The following ARID4A variants were observed in gnomAD, a reference collection of about 807,000 sequenced individuals.
ARID4A encodes the protein AT-rich interaction domain 4A, also known as AT-rich interactive domain-containing protein 4A.
A neutral mutation model predicts 148.6 loss-of-function variants in ARID4A; 39 were observed. The ratio of observed to expected loss-of-function variants is 0.26; its 90% CI spans 0.20 to 0.34. The LOEUF is 0.34. ARID4A is among the 10% of genes least tolerant of loss of function. ARID4A has a pLI of 1.00. For synonymous variants in ARID4A, 475 were observed against 481.2 expected, an observed-to-expected ratio of 0.99 and a Z score of 0.17; for missense variants, 1,265 against 1,449.1, an observed-to-expected ratio of 0.87 and a Z score of 2.06.
At chr14:58,366,802 G>A in intron 22 of ARID4A, 81 bp from the exon 23 acceptor site, 2 of 1,112,614 alleles carry the variant, frequency 1.8e-6, no homozygotes, top group Non-Finnish European at 1.3e-6. Flanking sequence ...TGATTTATGA[G>A]TTAGACGTTT....
chr14:58,349,777 A>T (rs2034547967), intron 15 of ARID4A, among the ~76,000 whole-genome samples: 1 of 152,002 alleles, frequency 6.6e-6, no homozygotes, highest in South Asian at 2.1e-4. Flanking sequence ...CCCAAATTTT[A>T]TAGCAGTTGT....
Position 58,301,666 on chromosome 14 carries a change from T to G in ARID4A, c.93T>G (p.Thr31=), listed in dbSNP as rs2031180904. The G allele has an allele frequency of 6.2e-7, 1 of 1,613,358 alleles. No individual in the cohort carries two copies. Among genetic ancestry groups the G allele is most frequent in the African/African-American group, 1.3e-5 (1 of 74,884 alleles). ...RGAFCEAKIK[T]VKRLVKVKVL... Reference sequence around the variant, plus strand: ...CCTTCTGTGAGGCAAAGATTAAGACTGTGAAAAGGCTGGTGAAAGTTAAGG... The same window carrying G: ...CCTTCTGTGAGGCAAAGATTAAGACGGTGAAAAGGCTGGTGAAAGTTAAGG... The change falls in exon 3 of 24, where the codon ACT becomes ACG. Residue 31 remains threonine, a synonymous_variant. Coordinates refer to ENST00000355431, the MANE Select transcript of ARID4A (RefSeq NM_002892.4).
intron 11 of ARID4A, among the ~76,000 whole-genome samples, chr14:58,335,052 A>G (rs2033740555): frequency 1.3e-5 from 2 of 152,104 alleles, no homozygotes; most frequent in African/African-American, 4.8e-5. Flanking sequence ...AACTAAAACA[A>G]CTTTACTAAG....
intron 5 of ARID4A, among the ~76,000 whole-genome samples, chr14:58,317,164 G>T (rs2032482446): frequency 6.9e-6 from 1 of 143,940 alleles, no homozygotes; most frequent in Non-Finnish European, 1.5e-5. Flanking sequence ...CTGCACTCCA[G>T]CCTGGGGGAC....
At chr14:58,299,563 C>T (rs543189239) in intron 1 of ARID4A, 2 of 533,438 alleles carry the variant, frequency 3.7e-6, no homozygotes, top group East Asian at 3.1e-5. Flanking sequence ...GCCAGCGAGG[C>T]GGGGGCGCGG....
In ARID4A at chr14:58,365,218, G is replaced by A. The variant is rs1434334618; in HGVS notation, c.3129G>A (p.Arg1043=). 6.2e-7 allele frequency: 1 copy of A among 1,614,024 alleles called. No individual in the cohort carries two copies. The highest frequency in any genetic ancestry group is 1.1e-5 in the South Asian group (1 of 91,080). The change falls in exon 20 of 24, where the codon AGG becomes AGA. Residue 1043 remains arginine, a synonymous_variant. Transcript: ENST00000355431. The stretch of plus-strand genomic sequence containing the variant: ...AATCTCAAGAAGGTCTCTGTGAGAG[G>A]GAATCGGCAAATGGATTTGAAACTA... The part of the protein sequence containing the change: ...AEESQEGLCE[R]ESANGFETNV...
chr14:58,311,416 T>G (rs1327643410), intron 5 of ARID4A, among the ~76,000 whole-genome samples: 2 of 152,188 alleles, frequency 1.3e-5, no homozygotes, highest in Non-Finnish European at 2.9e-5. Flanking sequence ...AGAATGGCTA[T>G]TATCAAGAAG....
chr14:58,366,985 C>T lies in ARID4A; in HGVS notation c.3626C>T (p.Thr1209Ile), dbSNP rs1358282895. 6.6e-7 allele frequency: 1 copy of T among 1,509,330 alleles called. No individual in the cohort carries two copies. The highest frequency in any genetic ancestry group is 8.8e-7 in the Non-Finnish European group (1 of 1,139,458). 93.5% of individuals were successfully genotyped at this position (1,509,330 alleles called of 1,614,324 possible). Residue 1209 changes from threonine to isoleucine, a missense_variant, in exon 23 of 24, where the codon ACC becomes ATC. Coordinates refer to ENST00000355431, the MANE Select transcript of ARID4A (RefSeq NM_002892.4). The part of the protein sequence containing the change: ...YYMSLKSEVA[T>I]IDRRRKRLKK... ...ATGTCTTTGAAGTCTGAAGTTGCAA[C>T]CATAGACAGGAGGAGAAAAAGATTA... is the stretch of plus-strand genomic sequence containing the variant.
At chr14:58,353,224 G>A (rs1312194189) in intron 16 of ARID4A, among the ~76,000 whole-genome samples, 1 of 152,050 alleles carries the variant, frequency 6.6e-6, no homozygotes, top group Non-Finnish European at 1.5e-5. Flanking sequence ...TACATACAAG[G>A]TGGCACTTAA....
chr14:58,351,168 T>G lies in ARID4A; in HGVS notation c.1500T>G (p.Asn500Lys). The G allele has an allele frequency of 6.2e-7, 1 of 1,609,846 alleles. No homozygotes were observed. Among genetic ancestry groups the G allele is most frequent in the Non-Finnish European group, 8.5e-7 (1 of 1,178,876 alleles). Residue 500 changes from asparagine to lysine, a missense_variant, in exon 16 of 24, where the codon AAT becomes AAG. Asn to Lys is a moderately conservative substitution (Grantham distance 94). Transcript: ENST00000355431. ...EDKLKDNDTE[N>K]KDVDDDYETA... The stretch of plus-strand genomic sequence containing the variant: ...AATTAAAAGATAATGATACAGAAAA[T>G]AAGGATGTAGATGATGACTATGAAA...
At chr14:58,368,740 A>C (rs1020474553) in intron 23 of ARID4A, among the ~76,000 whole-genome samples, 1 of 152,200 alleles carries the variant, frequency 6.6e-6, no homozygotes, top group East Asian at 1.9e-4. Context: ...ATGGGACCCA[A>C]GTCTAAACAC....
At chr14:58,363,348 T>C (rs1348714044) in intron 19 of ARID4A, among the ~76,000 whole-genome samples, 3 of 152,226 alleles carry the variant, frequency 2.0e-5, no homozygotes, top group Non-Finnish European at 1.5e-5. Context: ...TTTTGTTTCC[T>C]GTACTTTCTT....
intron 11 of ARID4A, among the ~76,000 whole-genome samples, chr14:58,334,098 T>A (rs2033674484): frequency 6.6e-6 from 1 of 152,102 alleles, no homozygotes; most frequent in Non-Finnish European, 1.5e-5. Flanking sequence ...CTAACCCAGT[T>A]AGGGTCATCT....
At position 58,335,778 on chromosome 14, in the gene ARID4A, C is replaced by A. The variant is rs544770306; in HGVS notation, c.906+5609C>A. On this transcript the variant is annotated intron_variant, in intron 11 of 23. Coordinates refer to ENST00000355431, the MANE Select transcript of ARID4A (RefSeq NM_002892.4). ...CAGATACATAGAAGTCACCTTGATT[C>A]TTCTTCTCTTAACCCCCTGTCCAAT... is the stretch of plus-strand genomic sequence containing the variant. Among the ~76,000 whole-genome samples the A allele has an allele frequency of 3.0e-4, 46 of 152,268 alleles. No homozygotes were observed. The South Asian group carries it at 6.6e-3, about 22-fold the overall frequency.
In ARID4A at chr14:58,372,203, T is replaced by C; in HGVS notation, c.*214T>C. On this transcript the variant is annotated 3_prime_UTR_variant, in exon 24 of 24. Coordinates refer to ENST00000355431, the MANE Select transcript of ARID4A (RefSeq NM_002892.4). ...TAAGTGAAGGTTAAGCAGCCTGCCA[T>C]ATTTGTCATAATTTTTCCTCTTTAC... 2.3e-6 allele frequency: 1 copy of C among 442,022 alleles called. No homozygotes were observed. Among genetic ancestry groups the C allele is most frequent in the Non-Finnish European group, 4.0e-6 (1 of 248,236 alleles). 27.4% of individuals were successfully genotyped at this position (442,022 alleles called of 1,614,324 possible).
intron 19 of ARID4A, among the ~76,000 whole-genome samples, chr14:58,361,980 A>G (rs1411377907): frequency 6.6e-6 from 1 of 152,220 alleles, no homozygotes; most frequent in Non-Finnish European, 1.5e-5. Flanking sequence ...TTTATCTAAA[A>G]TTTAGTGATG....
intron 23 of ARID4A, among the ~76,000 whole-genome samples, chr14:58,371,115 T>G (rs1291945543): frequency 6.6e-6 from 1 of 151,972 alleles, no homozygotes; most frequent in Non-Finnish European, 1.5e-5. Context: ...CGTAGTGAAA[T>G]CCCATCTCTA....
chr14:58,359,107 CTT>C (rs752553814), intron 17 of ARID4A, 23 bp from the exon 18 acceptor site: 52,983 of 1,246,008 alleles, frequency 0.043, no homozygotes, highest in Middle Eastern at 0.053. Flanking sequence ...TGTACAAACT[CTT>C]TTTTTTTTTT....
chr14:58,299,788 C>A lies in ARID4A; in HGVS notation c.-57-10C>A, dbSNP rs770601760. The A allele has an allele frequency of 1.9e-6, 3 of 1,611,284 alleles. No individual in the cohort carries two copies. The highest frequency in any genetic ancestry group is 2.7e-5 in the African/African-American group (2 of 74,860). Reference sequence around the variant, plus strand: ...ATTATGTCTGTGCCTGTCTTTCCCCCTCCCCATAGTTCTAGCGACTGCGAA... The same window carrying A: ...ATTATGTCTGTGCCTGTCTTTCCCCATCCCCATAGTTCTAGCGACTGCGAA... On this transcript the variant is annotated splice_polypyrimidine_tract_variant and intron_variant, in intron 1 of 23. Transcript: ENST00000355431.
Sources: allele counts gnomAD v4.1 joint callset (sites outside exome capture counted in the v4.1 genomes callset), GRCh38; gene constraint gnomAD v4.1.1; transcripts MANE v1.5; gene names NCBI Gene and HGNC (gene_info 2026-07-23, HGNC 2026-07-21).